Variants in KTN1 observed in about 807,000 individuals in gnomAD.
KTN1 encodes kinectin 1.
In KTN1, 130 loss-of-function variants were observed where a neutral mutation model predicts 222.5. That is an observed-to-expected ratio of 0.58 (90% CI 0.51 to 0.68). The LOEUF is 0.68. Among genes scored for constraint, KTN1 ranks in the 30% least tolerant of loss-of-function variants. KTN1 has a pLI of 0.00. For missense variants in KTN1, 1,508 were observed against 1,500.4 expected, an observed-to-expected ratio of 1.01 and a Z score of -0.08; for synonymous variants, 512 against 496.3, an observed-to-expected ratio of 1.03 and a Z score of -0.42.
chr14:55,619,397 T>C, intron 5 of KTN1, 85 bp downstream of exon 5: 1 of 1,223,872 alleles, frequency 8.2e-7, no homozygotes, highest in South Asian at 1.3e-5. Context: ...GCAATTAATA[T>C]CTACTCCCAT....
intron 7 of KTN1, among the ~76,000 whole-genome samples, chr14:55,630,469 T>C (rs947780611): frequency 1.3e-5 from 2 of 152,178 alleles, no homozygotes; most frequent in African/African-American, 4.8e-5. Context: ...AAGAGTTACT[T>C]GGTGTGATTT....
At chr14:55,580,707 C>T (rs2031250472) in intron 1 of KTN1, among the ~76,000 whole-genome samples, 1 of 152,106 alleles carries the variant, frequency 6.6e-6, no homozygotes, top group East Asian at 1.9e-4. Flanking sequence ...CCGAGCGGGC[C>T]CTGGGGTGAC....
At chr14:55,604,626 A>G (rs1050016990) in intron 1 of KTN1, among the ~76,000 whole-genome samples, 1 of 152,206 alleles carries the variant, frequency 6.6e-6, no homozygotes, top group Non-Finnish European at 1.5e-5. Context: ...ACTTAGTAGA[A>G]TGTTAGCTCT....
intron 35 of KTN1, among the ~76,000 whole-genome samples, chr14:55,671,015 T>C (rs1432531431): frequency 6.6e-6 from 1 of 152,220 alleles, no homozygotes; most frequent in African/African-American, 2.4e-5. Context: ...AGCTAGTGTT[T>C]GCCATTCCTT....
intron 1 of KTN1, among the ~76,000 whole-genome samples, chr14:55,583,594 T>C (rs1447110055): frequency 6.6e-6 from 1 of 152,228 alleles, no homozygotes; most frequent in African/African-American, 2.4e-5. Flanking sequence ...CCTAATTGCT[T>C]TGTTCATTCT....
chr14:55,596,293 A>G (rs940681498), intron 1 of KTN1, among the ~76,000 whole-genome samples: 2 of 151,542 alleles, frequency 1.3e-5, no homozygotes, highest in South Asian at 4.2e-4. Context: ...ACTACTTTCT[A>G]TTTTTAGTAC....
chr14:55,627,632 G>T (rs1383128150), intron 5 of KTN1, among the ~76,000 whole-genome samples: 1 of 151,854 alleles, frequency 6.6e-6, no homozygotes, highest in South Asian at 2.1e-4. Flanking sequence ...CAGGCATGTT[G>T]CCCTTCCTGT....
Position 55,684,262 on chromosome 14 carries a change from GA to G in KTN1, c.*169del, listed in dbSNP as rs560491576. On this transcript the variant is annotated 3_prime_UTR_variant, in exon 44 of 44. Transcript: ENST00000395314. ...TTGTTAGACTACTGATTTAAAGAAGGAAAAAAAAAAGCCAACTCTGTAGACA... is the reference window on the plus strand; with the variant it reads ...TTGTTAGACTACTGATTTAAAGAAGGAAAAAAAAAGCCAACTCTGTAGACA... 1,211 of 420,720 alleles carry G rather than the reference GA, an allele frequency of 2.9e-3. 1 individual carries two copies. The highest frequency in any genetic ancestry group is 6.8e-3 in the South Asian group (109 of 16,030). 26.1% of individuals were successfully genotyped at this position (420,720 alleles called of 1,614,324 possible). A position where few individuals can be genotyped will look rare whatever the true frequency, so the allele number is the denominator to read the frequency against.
intron 18 of KTN1, among the ~76,000 whole-genome samples, chr14:55,642,508 A>G (rs534048374): frequency 6.6e-5 from 10 of 152,274 alleles, no homozygotes; most frequent in East Asian, 1.9e-4. Context: ...TACAATTACA[A>G]TTTATTAATA....
chr14:55,593,338 A>G (rs1725929567), intron 1 of KTN1, among the ~76,000 whole-genome samples: 1 of 151,700 alleles, frequency 6.6e-6, no homozygotes, highest in Non-Finnish European at 1.5e-5. Flanking sequence ...ACTGGTTTTA[A>G]TGTTGGACAG....
At chr14:55,675,795 T>A (rs373451427) in intron 40 of KTN1, 40 bp from the exon 41 acceptor site, 21 of 1,325,190 alleles carry the variant, frequency 1.6e-5, no homozygotes, top group East Asian at 9.2e-5. Flanking sequence ...CAAAGAATGA[T>A]GCAAATTAAG....
In KTN1 at chr14:55,663,999, A is replaced by T. The variant is rs748076788; in HGVS notation, c.3135A>T (p.Ser1045=). The T allele has an allele frequency of 6.2e-7, 1 of 1,612,978 alleles. No homozygotes were observed. The highest frequency in any genetic ancestry group is 1.7e-5 in the Admixed American group (1 of 60,004). ...GGGAAGCAATGGAAGCATTGGCATCAACTGAAAAAATGCTGCAGGACAAAG... is the reference window on the plus strand; with the variant it reads ...GGGAAGCAATGGAAGCATTGGCATCTACTGAAAAAATGCTGCAGGACAAAG... ...KNWEAMEALA[S]TEKMLQDKVN... The change falls in exon 33 of 44, where the codon TCA becomes TCT. Residue 1045 remains serine, a synonymous_variant. Transcript: ENST00000395314.
In KTN1 at chr14:55,670,803, G is replaced by A. The variant is rs141379845; in HGVS notation, c.3342G>A (p.Glu1114=). ...TGGCTGGAACTTCAGGGTCAGAGGAGGTTAAGGTTAGTTCAGCAAATGAAC... is the reference window on the plus strand; with the variant it reads ...TGGCTGGAACTTCAGGGTCAGAGGAAGTTAAGGTTAGTTCAGCAAATGAAC... ...ECMAGTSGSE[E]VKVLEHKLKE... Residue 1114 remains glutamate, a synonymous_variant, in exon 35 of 44, where the codon GAG becomes GAA. Transcript: ENST00000395314. The A allele has an allele frequency of 8.0e-5, 128 of 1,600,680 alleles. 1 individual carries two copies. Among genetic ancestry groups the A allele is most frequent in the South Asian group, 4.5e-5 (4 of 89,516 alleles).
intron 2 of KTN1, among the ~76,000 whole-genome samples, chr14:55,614,226 G>A (rs1051091507): frequency 2.0e-5 from 3 of 152,160 alleles, no homozygotes; most frequent in African/African-American, 7.2e-5. Flanking sequence ...TAGTTACATG[G>A]TCATATTTCT....
intron 41 of KTN1, among the ~76,000 whole-genome samples, chr14:55,676,977 A>C (rs1008774032): frequency 7.9e-5 from 12 of 152,210 alleles, no homozygotes; most frequent in African/African-American, 2.9e-4. Flanking sequence ...TCAAAATATA[A>C]ACATGGAATT....
chr14:55,625,029 G>A (rs2039627341), intron 5 of KTN1, among the ~76,000 whole-genome samples: 1 of 152,156 alleles, frequency 6.6e-6, no homozygotes, highest in African/African-American at 2.4e-5. Flanking sequence ...ATGTTATGTT[G>A]TGTGAGTGCA....
chr14:55,611,311 A>G (rs1354814325), intron 1 of KTN1, among the ~76,000 whole-genome samples: 1 of 127,874 alleles, frequency 7.8e-6, no homozygotes, highest in Non-Finnish European at 1.6e-5. Flanking sequence ...CATGTTGCCC[A>G]GGGTAGACTG....
intron 41 of KTN1, among the ~76,000 whole-genome samples, chr14:55,677,029 C>T (rs117118490): frequency 0.012 from 1,777 of 152,216 alleles, 32 homozygotes; most frequent in South Asian, 0.053. Context: ...TTTAAAAATA[C>T]CAAACTGGTG....
intron 1 of KTN1, among the ~76,000 whole-genome samples, chr14:55,588,371 T>G (rs1034653621): frequency 3.9e-5 from 6 of 152,156 alleles, no homozygotes; most frequent in African/African-American, 1.4e-4. Flanking sequence ...ATCAAGTAAT[T>G]CAACTTTTCC....
Sources: allele counts gnomAD v4.1 joint callset (sites outside exome capture counted in the v4.1 genomes callset), GRCh38; gene constraint gnomAD v4.1.1; transcripts MANE v1.5; gene names NCBI Gene and HGNC (gene_info 2026-07-23, HGNC 2026-07-21).